The following METTL9 variants were observed in gnomAD, a reference collection of about 807,000 sequenced individuals.
The protein encoded by METTL9 is protein-L-histidine N-pros-methyltransferase.
METTL9 carries 10 observed loss-of-function variants against 36.0 expected under a neutral mutation model. The observed-to-expected ratio is 0.28, with a 90% CI of 0.17 to 0.47. The LOEUF is 0.47. Among genes scored for constraint, METTL9 ranks in the 20% least tolerant of loss-of-function variants. The pLI is 0.99. For missense variants in METTL9, 246 were observed against 383.5 expected (o/e 0.64, Z 3.00); for synonymous variants, 175 against 149.7 (o/e 1.17, Z -1.23).
chr16:21,649,259 C>T (rs990265984), intron 4 of METTL9, among the ~76,000 whole-genome samples: 1 of 152,186 alleles, frequency 6.6e-6, no homozygotes, highest in Non-Finnish European at 1.5e-5. Flanking sequence ...TTCCAAAGTG[C>T]TGGGATTACA....
chr16:21,629,056 G>A (rs550863441), intron 4 of METTL9, among the ~76,000 whole-genome samples: 1 of 151,868 alleles, frequency 6.6e-6, no homozygotes, highest in Non-Finnish European at 1.5e-5. Context: ...ACCACACCCG[G>A]CTCATTTTTG....
intron 2 of METTL9, among the ~76,000 whole-genome samples, chr16:21,617,290 C>T (rs548713100): frequency 4.0e-5 from 6 of 151,340 alleles, no homozygotes; most frequent in East Asian, 1.9e-4. Context: ...TGGTGGCGGG[C>T]GCCTGTAGTC....
At chr16:21,607,632 TAA>T (rs1423091324) in intron 1 of METTL9, among the ~76,000 whole-genome samples, 1 of 152,226 alleles carries the variant, frequency 6.6e-6, no homozygotes, top group Admixed American at 6.5e-5. Context: ...ATTTGTCATT[TAA>T]AAGATTCCCT....
chr16:21,644,964 A>G (rs1018589506), intron 4 of METTL9, among the ~76,000 whole-genome samples: 1 of 152,188 alleles, frequency 6.6e-6, no homozygotes, highest in African/African-American at 2.4e-5. Context: ...TTCTTTCTTT[A>G]TGATAAAATT....
At chr16:21,637,986 T>C (rs1324396582) in intron 4 of METTL9, among the ~76,000 whole-genome samples, 1 of 152,244 alleles carries the variant, frequency 6.6e-6, no homozygotes, top group Non-Finnish European at 1.5e-5. Context: ...GTATTAATTC[T>C]TTTTTAATTG....
At chr16:21,609,170 A>G (rs1211930001) in intron 1 of METTL9, among the ~76,000 whole-genome samples, 1 of 152,134 alleles carries the variant, frequency 6.6e-6, no homozygotes, top group Non-Finnish European at 1.5e-5. Context: ...TTGCAAAATT[A>G]GGTTTAAGCA....
At chr16:21,630,246 G>A (rs1965920807) in intron 4 of METTL9, among the ~76,000 whole-genome samples, 1 of 152,240 alleles carries the variant, frequency 6.6e-6, no homozygotes, top group Admixed American at 6.5e-5. Flanking sequence ...ATCAAGCCCA[G>A]CAGGCGCTGG....
chr16:21,608,372 A>C (rs952398199), intron 1 of METTL9, among the ~76,000 whole-genome samples: 1 of 152,046 alleles, frequency 6.6e-6, no homozygotes, highest in Admixed American at 6.6e-5. Context: ...TAAGGCTCTG[A>C]AGCTCCTCGC....
chr16:21,625,468 G>T (rs1181082396), intron 4 of METTL9, among the ~76,000 whole-genome samples: 1 of 152,140 alleles, frequency 6.6e-6, no homozygotes, highest in Non-Finnish European at 1.5e-5. Context: ...TTTAAATCTG[G>T]TCGTATATAC....
rs1439052303 is a variant in METTL9, at chr16:21,656,920, T to C, written c.*1488T>C. On this transcript the variant is annotated 3_prime_UTR_variant, in exon 5 of 5. Transcript: ENST00000358154. ...TATTGGTGTGTTCTAATGATTTTTTTCCAGGAATTCAAGTAAGTGAAGTAC... is the reference window on the plus strand; with the variant it reads ...TATTGGTGTGTTCTAATGATTTTTTCCCAGGAATTCAAGTAAGTGAAGTAC... 1 of 152,158 alleles carries C rather than the reference T, an allele frequency of 6.6e-6. No individual in the cohort carries two copies. Among genetic ancestry groups the C allele is most frequent in the Non-Finnish European group, 1.5e-5 (1 of 68,012 alleles). 9.4% of individuals were successfully genotyped at this position (152,158 alleles called of 1,614,324 possible).
At chr16:21,640,888 T>C (rs1235836443) in intron 4 of METTL9, 1 of 152,172 alleles carries the variant, frequency 6.6e-6, no homozygotes, top group Non-Finnish European at 1.5e-5. Context: ...TAGAGTCCGT[T>C]GTGGCTTATT....
intron 4 of METTL9, chr16:21,646,534 C>T: frequency 6.0e-6 from 1 of 166,794 alleles, no homozygotes; most frequent in Non-Finnish European, 1.3e-5. Context: ...GTACTTTACA[C>T]TAAATCACTG....
chr16:21,644,383 G>A (rs745387245), intron 4 of METTL9: 41 of 1,612,628 alleles, frequency 2.5e-5, no homozygotes, highest in Non-Finnish European at 3.3e-5. Context: ...GTTCCTTGCT[G>A]AGCAGCTTAA....
chr16:21,627,297 T>G (rs944574473), intron 4 of METTL9: 108 of 979,586 alleles, frequency 1.1e-4, no homozygotes, highest in Non-Finnish European at 1.3e-4. Context: ...GCTTAATTTG[T>G]TTTTTTTTAA....
At chr16:21,605,254 C>CTTT (rs1555488566) in intron 1 of METTL9, among the ~76,000 whole-genome samples, 1 of 41,794 alleles carries the variant, frequency 2.4e-5, no homozygotes, top group East Asian at 5.6e-4. Flanking sequence ...ATAGGCTTGC[C>CTTT]TTCTTTTTTT....
chr16:21,620,400 T>C (rs1181896624), intron 3 of METTL9, among the ~76,000 whole-genome samples: 1 of 152,196 alleles, frequency 6.6e-6, no homozygotes, highest in Admixed American at 6.5e-5. Flanking sequence ...TAACAGTGGC[T>C]TAAGTCAGGC....
chr16:21,652,593 C>T (rs1966607628), intron 4 of METTL9: 1 of 1,609,106 alleles, frequency 6.2e-7, no homozygotes, highest in Non-Finnish European at 8.5e-7. Flanking sequence ...TGCTCGCAGT[C>T]CCCATTTCTG....
intron 4 of METTL9, among the ~76,000 whole-genome samples, chr16:21,645,532 G>A (rs1387412710): frequency 6.6e-6 from 1 of 152,144 alleles, no homozygotes; most frequent in Non-Finnish European, 1.5e-5. Context: ...TTTTATTTGT[G>A]AAACTAACAA....
chr16:21,655,319 A>G lies in METTL9; in HGVS notation c.844A>G (p.Lys282Glu). Reference sequence around the variant, plus strand: ...GAATAGTCTGCCTGAAGTTTTCAGAAAAGCTGGTTTTGTTATCGAAGCTTT... The same window carrying G: ...GAATAGTCTGCCTGAAGTTTTCAGAGAAGCTGGTTTTGTTATCGAAGCTTT... ...QVNSLPEVFR[K>E]AGFVIEAFTR... The change falls in exon 5 of 5, where the codon AAA (lysine) becomes GAA (glutamate). Residue 282 changes from lysine to glutamate, a missense_variant. This residue lies in a region of METTL9 where 146 missense variants were observed against 302.1 expected (regional missense o/e 0.48). Transcript: ENST00000358154. 1 of 1,614,228 alleles carries G rather than the reference A, an allele frequency of 6.2e-7. No homozygotes were observed. Among genetic ancestry groups the G allele is most frequent in the Non-Finnish European group, 8.5e-7 (1 of 1,180,030 alleles).
Sources: gnomAD v4.1 joint callset for allele counts (sites outside exome capture counted in the v4.1 genomes callset) on GRCh38, gnomAD v4.1.1 for gene constraint, gnomAD v4.1.1 regional missense constraint, MANE v1.5 for transcripts, NCBI Gene and HGNC (gene_info 2026-07-23, HGNC 2026-07-21) for gene names.